The following KCNQ5 variants were observed in gnomAD, a reference collection of about 807,000 sequenced individuals.
The protein encoded by KCNQ5 is potassium voltage-gated channel subfamily KQT member 5.
In KCNQ5, 30 loss-of-function variants were observed where a neutral mutation model predicts 98.2. The ratio of observed to expected loss-of-function variants is 0.31; its 90% CI spans 0.23 to 0.41. The LOEUF is 0.41. KCNQ5 is among the 10% of genes least tolerant of loss of function. The pLI is 1.00. For synonymous variants in KCNQ5, 458 were observed against 449.4 expected, an observed-to-expected ratio of 1.02 and a Z score of -0.24; for missense variants, 835 against 1,182.5, an observed-to-expected ratio of 0.71 and a Z score of 4.31.
At chr6:73,063,690 A>AGATAGATAGATAGATAGAT (rs1562156059) in intron 3 of KCNQ5, among the ~76,000 whole-genome samples, 5 of 80,332 alleles carry the variant, frequency 6.2e-5, no homozygotes, top group African/African-American at 2.7e-4. Flanking sequence ...GATAGATGAT[A>AGATAGATAGATAGATAGAT]GATAGATAGA....
chr6:72,658,896 A>G (rs956068599), intron 1 of KCNQ5, among the ~76,000 whole-genome samples: 3 of 152,156 alleles, frequency 2.0e-5, no homozygotes, highest in Admixed American at 1.3e-4. Context: ...AATATATTTC[A>G]TGATACACAT....
chr6:72,982,224 C>T (rs778567910), intron 1 of KCNQ5, among the ~76,000 whole-genome samples: 2 of 152,156 alleles, frequency 1.3e-5, no homozygotes, highest in Non-Finnish European at 2.9e-5. Flanking sequence ...AACCTTCTGT[C>T]TCGTTATCTG....
intron 3 of KCNQ5, among the ~76,000 whole-genome samples, chr6:73,048,527 G>T (rs915745209): frequency 1.3e-5 from 2 of 152,182 alleles, no homozygotes; most frequent in African/African-American, 4.8e-5. Context: ...CCTACGGGTT[G>T]CTGGCAGGCC....
At chr6:72,964,322 G>A (rs1223734858) in intron 1 of KCNQ5, among the ~76,000 whole-genome samples, 1 of 152,060 alleles carries the variant, frequency 6.6e-6, no homozygotes, top group East Asian at 1.9e-4. Context: ...ATAGAGATCT[G>A]GTCAAATGTT....
intron 1 of KCNQ5, among the ~76,000 whole-genome samples, chr6:72,800,622 T>C (rs1185823522): frequency 6.6e-6 from 1 of 152,202 alleles, no homozygotes; most frequent in Non-Finnish European, 1.5e-5. Context: ...TGTCTCTATT[T>C]CCTTCAGTTC....
intron 10 of KCNQ5, among the ~76,000 whole-genome samples, chr6:73,159,650 A>C (rs557093584): frequency 6.6e-6 from 1 of 152,350 alleles, no homozygotes; most frequent in South Asian, 2.1e-4. Context: ...GTACAAGTTC[A>C]TGCTTTTAAT....
At chr6:72,800,189 G>T (rs960848729) in intron 1 of KCNQ5, among the ~76,000 whole-genome samples, 4 of 152,156 alleles carry the variant, frequency 2.6e-5, no homozygotes, top group Admixed American at 2.6e-4. Flanking sequence ...GATAGGAATA[G>T]TTTCAGAAGG....
intron 1 of KCNQ5, among the ~76,000 whole-genome samples, chr6:72,778,729 A>G (rs551303601): frequency 3.0e-4 from 46 of 152,354 alleles, no homozygotes; most frequent in Admixed American, 1.2e-3. Flanking sequence ...AATACAATTT[A>G]TATTTGTCAA....
intron 11 of KCNQ5, among the ~76,000 whole-genome samples, chr6:73,187,440 T>A (rs1384771950): frequency 1.3e-5 from 2 of 152,292 alleles, no homozygotes; most frequent in East Asian, 3.9e-4. Flanking sequence ...CACATACTCC[T>A]CTTTTCTAAA....
At chr6:72,965,739 T>C (rs769226099) in intron 1 of KCNQ5, among the ~76,000 whole-genome samples, 2 of 152,226 alleles carry the variant, frequency 1.3e-5, no homozygotes, top group Non-Finnish European at 2.9e-5. Context: ...TTTATCTTAT[T>C]AGCATTTAAA....
rs377697807 is a variant in KCNQ5 at position 73,078,614 on chromosome 6, G to A, written c.918+727G>A. 6.6e-5 allele frequency among the ~76,000 whole-genome samples: 10 copies of A among 152,296 alleles called. No homozygotes were observed. In the East Asian group the frequency reaches 1.5e-3, roughly 23 times the overall value. ...AGATCAGGAATATTGAAATCAATGT[G>A]CAAATAGAGGCAAAACTGGCTCCTT... On this transcript the variant is annotated intron_variant, in intron 5 of 13. Coordinates refer to ENST00000370398, the MANE Select transcript of KCNQ5 (RefSeq NM_019842.4).
chr6:72,774,852 T>C (rs10943060), intron 1 of KCNQ5, among the ~76,000 whole-genome samples: 2,092 of 152,310 alleles, frequency 0.014, 27 homozygotes, highest in Non-Finnish European at 0.022. Flanking sequence ...GCAGAACAAA[T>C]GGGACTTGTA....
intron 1 of KCNQ5, chr6:72,678,569 A>AT (rs1226777662): frequency 2.0e-5 from 3 of 152,272 alleles, no homozygotes; most frequent in East Asian, 1.9e-4. Context: ...TATGTATCGT[A>AT]TTTTTTATAA....
At chr6:73,045,252 A>T (rs181298741) in intron 3 of KCNQ5, among the ~76,000 whole-genome samples, 6 of 152,350 alleles carry the variant, frequency 3.9e-5, no homozygotes, top group Admixed American at 3.9e-4. Context: ...AACATATTTT[A>T]AACAATTATA....
At chr6:72,646,336 T>TAA (rs1371407587) in intron 1 of KCNQ5, among the ~76,000 whole-genome samples, 2 of 152,166 alleles carry the variant, frequency 1.3e-5, no homozygotes. Flanking sequence ...AGAATAACTT[T>TAA]AGCAGCAAAT....
At chr6:72,815,445 G>A (rs1169279731) in intron 1 of KCNQ5, among the ~76,000 whole-genome samples, 9 of 152,164 alleles carry the variant, frequency 5.9e-5, no homozygotes, top group Non-Finnish European at 1.3e-4. Flanking sequence ...GGCTTTGTGG[G>A]TGGAGAAGAC....
chr6:72,803,206 A>C (rs1774751043), intron 1 of KCNQ5, among the ~76,000 whole-genome samples: 1 of 152,198 alleles, frequency 6.6e-6, no homozygotes, highest in Admixed American at 6.6e-5. Flanking sequence ...CAATTTCAGA[A>C]GTGAAGAGGG....
At chr6:73,119,022 A>G (rs1288570719) in intron 7 of KCNQ5, among the ~76,000 whole-genome samples, 1 of 152,244 alleles carries the variant, frequency 6.6e-6, no homozygotes, top group African/African-American at 2.4e-5. Context: ...CCCTGTCTCA[A>G]ATAAATAAAT....
chr6:72,778,505 C>T (rs968248176), intron 1 of KCNQ5, among the ~76,000 whole-genome samples: 2 of 150,888 alleles, frequency 1.3e-5, no homozygotes, highest in Non-Finnish European at 2.9e-5. Context: ...CGCCACTGCA[C>T]TCCAGCCTGG....
Sources: gnomAD v4.1 joint callset for allele counts (sites outside exome capture counted in the v4.1 genomes callset) on GRCh38, gnomAD v4.1.1 for gene constraint, MANE v1.5 for transcripts, NCBI Gene and HGNC (gene_info 2026-07-23, HGNC 2026-07-21) for gene names.